MTRF1: variants seen among roughly 807,000 people sequenced by gnomAD.
MTRF1 encodes peptide chain release factor 1, mitochondrial.
In MTRF1, 51 loss-of-function variants were observed where a neutral mutation model predicts 62.9. That is an observed-to-expected ratio of 0.81 (90% CI 0.65 to 1.02). MTRF1 has a LOEUF of 1.02. MTRF1 is among the 50% of genes least tolerant of loss of function. The pLI is 0.00. For synonymous variants in MTRF1, 158 were observed against 181.9 expected (o/e 0.87, Z 1.06); for missense variants, 446 against 530.0 (o/e 0.84, Z 1.56).
intron 5 of MTRF1, among the ~76,000 whole-genome samples, chr13:41,244,038 TA>T (rs2139000905): frequency 6.6e-6 from 1 of 152,316 alleles, no homozygotes; most frequent in African/African-American, 2.4e-5. Flanking sequence ...ACTGCATATT[TA>T]ATGTTCACCC....
the MTRF1 span, chr13:41,287,900 C>A: frequency 1.7e-5 from 7 of 401,300 alleles, no homozygotes; most frequent in Admixed American, 1.3e-4. Context: ...CTAAAAACTG[C>A]AGATAGGTGA....
At chr13:41,220,506 T>C in intron 9 of MTRF1, 1 of 1,031,962 alleles carries the variant, frequency 9.7e-7, no homozygotes, top group Non-Finnish European at 1.3e-6. Flanking sequence ...TCTGTGCTTA[T>C]TAGCTCGATA....
the MTRF1 span, among the ~76,000 whole-genome samples, chr13:41,295,859 A>G: frequency 6.6e-6 from 1 of 152,126 alleles, no homozygotes; most frequent in Admixed American, 6.6e-5. Context: ...GTAGTTCACT[A>G]TAAAACTAGG....
At chr13:41,259,466 A>AAC (rs2040138042) in intron 2 of MTRF1, among the ~76,000 whole-genome samples, 1 of 151,892 alleles carries the variant, frequency 6.6e-6, no homozygotes, top group Non-Finnish European at 1.5e-5. Flanking sequence ...TTGGGAGGCC[A>AAC]AGGTGGGTGG....
intron 5 of MTRF1, among the ~76,000 whole-genome samples, chr13:41,248,820 T>G (rs1197040324): frequency 6.6e-6 from 1 of 152,190 alleles, no homozygotes; most frequent in Non-Finnish European, 1.5e-5. Context: ...TAGAATCCCT[T>G]TAATGTGGAA....
the MTRF1 span, among the ~76,000 whole-genome samples, chr13:41,269,031 T>TAAA: frequency 4.6e-3 from 687 of 150,178 alleles, 9 homozygotes; most frequent in African/African-American, 0.016. Flanking sequence ...TTTTTTTTTT[T>TAAA]AAAACCAGTC....
chr13:41,307,825 G>C, the MTRF1 span, among the ~76,000 whole-genome samples: 1 of 152,100 alleles, frequency 6.6e-6, no homozygotes, highest in African/African-American at 2.4e-5. Context: ...ATTTTTTATA[G>C]CAATGTGAGA....
Position 41,217,354 on chromosome 13 carries a change from A to G in MTRF1, c.1225-126T>C, listed in dbSNP as rs2032090471. 16 of 530,290 alleles carry G rather than the reference A, an allele frequency of 3.0e-5. No individual in the cohort carries two copies. In the South Asian group the frequency reaches 5.4e-4, roughly 18 times the overall value. The allele number at this position is 530,290 out of a possible 1,614,324, so 32.8% of individuals were successfully genotyped here. A position where few individuals can be genotyped will look rare whatever the true frequency, so the allele number is the denominator to read the frequency against. On this transcript the variant is annotated intron_variant, in intron 9 of 9. Coordinates refer to ENST00000379480, the MANE Select transcript of MTRF1 (RefSeq NM_004294.4). ...CAATAAAGGATTACTAATGTTCTGT[A>G]ATACAATGAACACAATCGCTAACTT...
At chr13:41,219,306 AATGTAC>A (rs1326861844) in intron 9 of MTRF1, among the ~76,000 whole-genome samples, 2 of 142,012 alleles carry the variant, frequency 1.4e-5, no homozygotes. Context: ...AAAAAAAAAA[AATGTAC>A]CTGGTACTCA....
At chr13:41,218,897 C>T (rs1174624334) in intron 9 of MTRF1, among the ~76,000 whole-genome samples, 1 of 152,158 alleles carries the variant, frequency 6.6e-6, no homozygotes, top group East Asian at 1.9e-4. Flanking sequence ...TATAGTAAAA[C>T]CTCAAACTCT....
intron 5 of MTRF1, among the ~76,000 whole-genome samples, chr13:41,245,592 TGTA>T (rs1207275392): frequency 6.6e-6 from 1 of 152,226 alleles, no homozygotes; most frequent in African/African-American, 2.4e-5. Flanking sequence ...TGACCTATTT[TGTA>T]GTCATATCTT....
At chr13:41,294,546 CGG>C in the MTRF1 span, among the ~76,000 whole-genome samples, 21 of 151,146 alleles carry the variant, frequency 1.4e-4, no homozygotes, top group Non-Finnish European at 2.5e-4. Flanking sequence ...AGGAAAGAAC[CGG>C]TAAGTAGGAG....
the MTRF1 span, among the ~76,000 whole-genome samples, chr13:41,269,185 G>GTTTTTTTTTTTTTTTTTGTTTTTTTTTT: frequency 1.0e-5 from 1 of 96,464 alleles, no homozygotes; most frequent in Non-Finnish European, 1.9e-5. Flanking sequence ...CTTTTACCTT[G>GTTTTTTTTTTTTTTTTTGTTTTTTTTTT]TTTTTTTTTT....
chr13:41,265,335 C>T (rs924188284), upstream of MTRF1, among the ~76,000 whole-genome samples: 5 of 151,590 alleles, frequency 3.3e-5, no homozygotes, highest in South Asian at 2.1e-4. Context: ...GCAGGAGAAT[C>T]GCTTGAACCC....
chr13:41,290,089 C>CTTTT, the MTRF1 span, among the ~76,000 whole-genome samples: 255 of 78,522 alleles, frequency 3.2e-3, 2 homozygotes, highest in Non-Finnish European at 4.2e-3. Context: ...TGTAATAGTT[C>CTTTT]TTTTTTTTTT....
the MTRF1 span, among the ~76,000 whole-genome samples, chr13:41,277,245 C>T: frequency 6.6e-6 from 1 of 152,052 alleles, no homozygotes; most frequent in Non-Finnish European, 1.5e-5. Flanking sequence ...GATCCTCCCA[C>T]CTCAGCCTCC....
chr13:41,258,238 T>C (rs528223039), intron 2 of MTRF1, among the ~76,000 whole-genome samples: 1 of 152,282 alleles, frequency 6.6e-6, no homozygotes, highest in South Asian at 2.1e-4. Context: ...TTTACAGGTA[T>C]AACAGTGACT....
chr13:41,259,304 T>A (rs994318656), intron 2 of MTRF1, among the ~76,000 whole-genome samples: 1 of 152,198 alleles, frequency 6.6e-6, no homozygotes, highest in Non-Finnish European at 1.5e-5. Flanking sequence ...TCGTTATTTA[T>A]AATAACCAAA....
intron 8 of MTRF1, among the ~76,000 whole-genome samples, chr13:41,224,669 C>T (rs543045959): frequency 6.6e-6 from 1 of 152,276 alleles, no homozygotes; most frequent in African/African-American, 2.4e-5. Flanking sequence ...TGGGCATCTA[C>T]GAAAGCTTGT....
Sources: allele counts gnomAD v4.1 joint callset (sites outside exome capture counted in the v4.1 genomes callset), GRCh38; gene constraint gnomAD v4.1.1; transcripts MANE v1.5; gene names NCBI Gene and HGNC (gene_info 2026-07-23, HGNC 2026-07-21).